The following FTO variants were observed in gnomAD, a reference collection of about 807,000 sequenced individuals.
The protein encoded by FTO is alpha-ketoglutarate-dependent dioxygenase FTO.
In FTO, 47 loss-of-function variants were observed where a neutral mutation model predicts 63.9. The observed-to-expected ratio is 0.74, with a 90% CI of 0.58 to 0.94. The LOEUF is 0.94. Ranked by LOEUF, FTO falls within the 40% of genes least tolerant of loss-of-function variation. FTO has a pLI of 0.00. For missense variants in FTO, 562 were observed against 618.1 expected (o/e 0.91, Z 0.96); for synonymous variants, 207 against 224.4 (o/e 0.92, Z 0.69).
At chr16:53,750,196 G>A (rs1304333399) in intron 1 of FTO, among the ~76,000 whole-genome samples, 1 of 151,974 alleles carries the variant, frequency 6.6e-6, no homozygotes, top group African/African-American at 2.4e-5. Flanking sequence ...ATCAAAGTCT[G>A]GCCCTTGAGC....
intron 8 of FTO, among the ~76,000 whole-genome samples, chr16:54,105,587 AAAGT>A (rs2086733299): frequency 6.6e-6 from 1 of 152,230 alleles, no homozygotes; most frequent in Non-Finnish European, 1.5e-5. Context: ...GATTATTAGG[AAAGT>A]AAGAAGCAGT....
At chr16:53,920,070 T>C (rs1027215938) in intron 7 of FTO, among the ~76,000 whole-genome samples, 19 of 152,200 alleles carry the variant, frequency 1.2e-4, no homozygotes, top group African/African-American at 4.1e-4. Flanking sequence ...GTAGATTTAA[T>C]GTGACTCTGA....
At chr16:53,897,945 C>T (rs1468392255) in intron 7 of FTO, among the ~76,000 whole-genome samples, 1 of 152,128 alleles carries the variant, frequency 6.6e-6, no homozygotes, top group Non-Finnish European at 1.5e-5. Context: ...TCAAAATATA[C>T]TCATGACCTG....
Position 53,894,783 on chromosome 16 carries a change from A to G in FTO, c.1239+5832A>G, listed in dbSNP as rs182313551. Among the ~76,000 whole-genome samples the G allele has an allele frequency of 2.6e-3, 395 of 152,280 alleles. 6 individuals are homozygous for G. The highest frequency in any genetic ancestry group is 1.4e-3 in the Non-Finnish European group (93 of 68,024). ...GAGTATATTATAGTAATTTAGGATC[A>G]GATGTGAGATGTCTAGTGGTTTTAA... On this transcript the variant is annotated intron_variant, in intron 7 of 8. Coordinates refer to ENST00000471389, the MANE Select transcript of FTO (RefSeq NM_001080432.3).
chr16:53,762,898 T>G (rs190001754), intron 1 of FTO, among the ~76,000 whole-genome samples: 1 of 152,188 alleles, frequency 6.6e-6, no homozygotes, highest in Non-Finnish European at 1.5e-5. Flanking sequence ...AATCAATATC[T>G]CATGATTTAC....
At chr16:54,036,521 C>T (rs1231991356) in intron 8 of FTO, among the ~76,000 whole-genome samples, 1 of 152,142 alleles carries the variant, frequency 6.6e-6, no homozygotes, top group Non-Finnish European at 1.5e-5. Context: ...ATTCCAAACT[C>T]AATCAAAAAT....
Position 53,918,061 on chromosome 16 carries a change from T to A in FTO, c.1240-15924T>A, listed in dbSNP as rs56672510. 3.2e-3 allele frequency among the ~76,000 whole-genome samples: 483 copies of A among 152,178 alleles called. 3 individuals carry two copies. Among genetic ancestry groups the A allele is most frequent in the African/African-American group, 0.011 (460 of 41,504 alleles). On this transcript the variant is annotated intron_variant, in intron 7 of 8. Transcript: ENST00000471389. ...ATCTTAATAATAATAGAAAAATAAG[T>A]TTATTAAGAGTGGGCCGGGTTTGTG... is the stretch of plus-strand genomic sequence containing the variant.
intron 1 of FTO, among the ~76,000 whole-genome samples, chr16:53,720,162 A>G (rs1300642453): frequency 6.6e-6 from 1 of 152,064 alleles, no homozygotes; most frequent in Non-Finnish European, 1.5e-5. Context: ...CTACCAGTGC[A>G]CATCACTAGT....
At chr16:53,801,227 T>G (rs1254942400) in intron 1 of FTO, among the ~76,000 whole-genome samples, 1 of 152,066 alleles carries the variant, frequency 6.6e-6, no homozygotes, top group African/African-American at 2.4e-5. Context: ...GGCTTATTAC[T>G]TGTAATTTTT....
intron 4 of FTO, among the ~76,000 whole-genome samples, chr16:53,863,204 G>A (rs948376909): frequency 4.6e-5 from 7 of 152,164 alleles, no homozygotes; most frequent in African/African-American, 1.7e-4. Context: ...ATTTTATCAT[G>A]TCAGTTCGAG....
chr16:54,026,524 G>C (rs1171906432), intron 8 of FTO, among the ~76,000 whole-genome samples: 5 of 152,186 alleles, frequency 3.3e-5, no homozygotes, highest in Admixed American at 3.3e-4. Flanking sequence ...GTGCTTTTCA[G>C]CTGGGTACAT....
At chr16:54,093,344 A>C (rs1376909914) in intron 8 of FTO, among the ~76,000 whole-genome samples, 1 of 152,230 alleles carries the variant, frequency 6.6e-6, no homozygotes, top group Non-Finnish European at 1.5e-5. Context: ...GAGCCTCCGT[A>C]AAGTATTCTG....
chr16:53,730,688 G>A (rs557494811), intron 1 of FTO, among the ~76,000 whole-genome samples: 5 of 152,006 alleles, frequency 3.3e-5, no homozygotes, highest in African/African-American at 1.2e-4. Flanking sequence ...TAGAGACTTG[G>A]TTTCGCTATT....
intron 3 of FTO, among the ~76,000 whole-genome samples, chr16:53,840,761 T>G (rs1001385869): frequency 6.6e-6 from 1 of 152,138 alleles, no homozygotes; most frequent in African/African-American, 2.4e-5. Flanking sequence ...ATGAGTAAAG[T>G]GAAGTGGCTG....
At chr16:53,773,259 C>T (rs1430779804) in intron 1 of FTO, among the ~76,000 whole-genome samples, 1 of 152,072 alleles carries the variant, frequency 6.6e-6, no homozygotes, top group Non-Finnish European at 1.5e-5. Flanking sequence ...CTCCTGTTTT[C>T]CTGCTTCCAA....
intron 1 of FTO, among the ~76,000 whole-genome samples, chr16:53,732,495 CT>C: frequency 6.6e-6 from 1 of 152,312 alleles, no homozygotes; most frequent in Middle Eastern, 3.4e-3. Context: ...TATCAAGTCA[CT>C]TTCCAGTTCC....
At chr16:53,969,862 G>T (rs2083277292) in intron 8 of FTO, among the ~76,000 whole-genome samples, 1 of 152,220 alleles carries the variant, frequency 6.6e-6, no homozygotes, top group Non-Finnish European at 1.5e-5. Flanking sequence ...ATATAGAAAA[G>T]CAGTTAGGGT....
At chr16:53,838,775 G>A (rs929556255) in intron 3 of FTO, among the ~76,000 whole-genome samples, 1 of 151,944 alleles carries the variant, frequency 6.6e-6, no homozygotes, top group South Asian at 2.1e-4. Flanking sequence ...GGAGGTGGAG[G>A]TTGCAGTGAG....
At chr16:54,090,636 C>T (rs2086361847) in intron 8 of FTO, among the ~76,000 whole-genome samples, 1 of 152,172 alleles carries the variant, frequency 6.6e-6, no homozygotes, top group Admixed American at 6.5e-5. Context: ...TGAAAGATCT[C>T]ATAATATGGA....
Sources: gnomAD v4.1 joint callset for allele counts (sites outside exome capture counted in the v4.1 genomes callset) on GRCh38, gnomAD v4.1.1 for gene constraint, MANE v1.5 for transcripts, NCBI Gene and HGNC (gene_info 2026-07-23, HGNC 2026-07-21) for gene names.